Variants in LRIG3 observed in about 807,000 individuals in gnomAD.
LRIG3 encodes leucine rich repeats and immunoglobulin like domains 3, also known as leucine-rich repeats and immunoglobulin-like domains protein 3.
LRIG3 carries 76 observed loss-of-function variants against 114.5 expected under a neutral mutation model. That is an observed-to-expected ratio of 0.66 (90% CI 0.55 to 0.80). The LOEUF is 0.80. Ranked by LOEUF, LRIG3 falls within the 30% of genes least tolerant of loss-of-function variation. The pLI is 0.00. For missense variants in LRIG3, 1,239 were observed against 1,382.8 expected (o/e 0.90, Z 1.65); for synonymous variants, 512 against 519.8 (o/e 0.98, Z 0.20).
chr12:58,898,425 G>A (rs777146358), intron 3 of LRIG3, among the ~76,000 whole-genome samples: 3 of 152,136 alleles, frequency 2.0e-5, no homozygotes, highest in Non-Finnish European at 2.9e-5. Flanking sequence ...AAATACTGTA[G>A]CCTCTTGTAG....
intron 10 of LRIG3, among the ~76,000 whole-genome samples, chr12:58,885,542 T>A (rs1250751970): frequency 1.3e-5 from 2 of 152,114 alleles, no homozygotes; most frequent in Non-Finnish European, 2.9e-5. Flanking sequence ...GTTTTTTTTT[T>A]AATTAAATAA....
intron 10 of LRIG3, among the ~76,000 whole-genome samples, chr12:58,885,069 A>G (rs1280618956): frequency 2.0e-5 from 3 of 152,200 alleles, no homozygotes; most frequent in African/African-American, 7.2e-5. Flanking sequence ...GCCAGGAGTT[A>G]CTAGGAGCTA....
At chr12:58,908,329 G>A (rs1385638652) in intron 3 of LRIG3, among the ~76,000 whole-genome samples, 1 of 152,212 alleles carries the variant, frequency 6.6e-6, no homozygotes, top group Admixed American at 6.5e-5. Context: ...GTGGAAAGAG[G>A]AGGGTTTTGT....
chr12:58,901,857 A>G (rs1871860649), intron 3 of LRIG3, among the ~76,000 whole-genome samples: 1 of 152,204 alleles, frequency 6.6e-6, no homozygotes, highest in Non-Finnish European at 1.5e-5. Flanking sequence ...ACCAAGAATG[A>G]GCTTTCGTTC....
Position 58,879,114 on chromosome 12 carries a change from A to G in LRIG3, c.1802-9T>C. On this transcript the variant is annotated splice_polypyrimidine_tract_variant and intron_variant, in intron 13 of 18. Transcript: ENST00000320743. ...GGTGAATGAGGGAAGCACTGAAATCAGAGAAACAATATAGGCATTAGCACA... is the reference window on the plus strand; with the variant it reads ...GGTGAATGAGGGAAGCACTGAAATCGGAGAAACAATATAGGCATTAGCACA... The G allele has an allele frequency of 6.2e-7, 1 of 1,607,466 alleles. No homozygotes were observed. The highest frequency in any genetic ancestry group is 8.5e-7 in the Non-Finnish European group (1 of 1,175,950).
chr12:58,880,475 G>A (rs1240547484), intron 13 of LRIG3, 106 bp downstream of exon 13: 2 of 1,101,970 alleles, frequency 1.8e-6, no homozygotes, highest in Admixed American at 2.1e-5. Context: ...AGTCAGGTGG[G>A]GAACTGTGAG....
At chr12:58,905,159 A>AT (rs1307073476) in intron 3 of LRIG3, among the ~76,000 whole-genome samples, 1 of 152,072 alleles carries the variant, frequency 6.6e-6, no homozygotes, top group Non-Finnish European at 1.5e-5. Context: ...CTTGAGAAGG[A>AT]TTTTTTTCTT....
chr12:58,896,582 G>C (rs1871648837), intron 3 of LRIG3, among the ~76,000 whole-genome samples: 1 of 152,204 alleles, frequency 6.6e-6, no homozygotes, highest in Non-Finnish European at 1.5e-5. Flanking sequence ...TGATGTGTAA[G>C]GACATGCAAT....
Position 58,920,322 on chromosome 12 carries a change from G to T in LRIG3, c.-87C>A. On this transcript the variant is annotated 5_prime_UTR_variant, in exon 1 of 19. Coordinates refer to ENST00000320743, the MANE Select transcript of LRIG3 (RefSeq NM_153377.5). Reference sequence around the variant, plus strand: ...CACAAACTTCCAGCCGAGGGTGCACGCCCGCCCTCGCGGTCGCGTGCGCGC... The same window carrying T: ...CACAAACTTCCAGCCGAGGGTGCACTCCCGCCCTCGCGGTCGCGTGCGCGC... 3 of 1,011,100 alleles carry T rather than the reference G, an allele frequency of 3.0e-6. No individual in the cohort carries two copies. The highest frequency in any genetic ancestry group is 6.1e-5 in the South Asian group (2 of 32,696). 62.6% of individuals were successfully genotyped at this position (1,011,100 alleles called of 1,614,324 possible).
chr12:58,902,174 TC>T (rs947778416), intron 3 of LRIG3, among the ~76,000 whole-genome samples: 20 of 152,140 alleles, frequency 1.3e-4, no homozygotes, highest in Non-Finnish European at 1.0e-4. Flanking sequence ...AAACATCCAT[TC>T]ATCTTTGAAG....
intron 3 of LRIG3, among the ~76,000 whole-genome samples, chr12:58,899,163 C>G (rs546400418): frequency 5.4e-4 from 83 of 152,352 alleles, no homozygotes; most frequent in Middle Eastern, 6.8e-3. Context: ...AGTTGCATTT[C>G]TACCAAGTTC....
At chr12:58,897,661 T>C (rs554870937) in intron 3 of LRIG3, among the ~76,000 whole-genome samples, 1 of 152,296 alleles carries the variant, frequency 6.6e-6, no homozygotes, top group South Asian at 2.1e-4. Context: ...AGCCCTTCTT[T>C]GATCTCCAAG....
At chr12:58,908,056 T>C (rs1488512637) in intron 3 of LRIG3, among the ~76,000 whole-genome samples, 1 of 152,224 alleles carries the variant, frequency 6.6e-6, no homozygotes, top group Non-Finnish European at 1.5e-5. Flanking sequence ...CCACCCAGTA[T>C]TGATCTCTGT....
intron 3 of LRIG3, among the ~76,000 whole-genome samples, chr12:58,910,116 T>C (rs750788640): frequency 1.3e-5 from 2 of 152,092 alleles, no homozygotes; most frequent in Non-Finnish European, 2.9e-5. Context: ...ATAAAGACAA[T>C]GATGGACTAA....
At chr12:58,881,770 G>A (rs1407069505) in intron 12 of LRIG3, among the ~76,000 whole-genome samples, 1 of 152,142 alleles carries the variant, frequency 6.6e-6, no homozygotes, top group Non-Finnish European at 1.5e-5. Context: ...GATAACTCCA[G>A]GGCTGCTATT....
chr12:58,872,766 A>G lies in LRIG3; in HGVS notation c.3166T>C (p.Phe1056Leu). 1.2e-6 allele frequency: 2 copies of G among 1,614,120 alleles called. No individual in the cohort carries two copies. The highest frequency in any genetic ancestry group is 1.7e-6 in the Non-Finnish European group (2 of 1,179,964). The part of the protein sequence containing the change: ...RRPHLDAYSS[F>L]GQPSDCQPRA... ...GGCTGACAATCTGATGGCTGTCCAA[A>G]GCTTGAATAGGCATCTAGGTGAGGT... is the stretch of plus-strand genomic sequence containing the variant. The change falls in exon 19 of 19, where the codon TTT (phenylalanine) becomes CTT (leucine). Residue 1056 changes from phenylalanine (F) to leucine (L), a missense_variant. By Grantham distance (22) the Phe-to-Leu change is conservative. Transcript: ENST00000320743.
chr12:58,903,490 A>T (rs1049466588), intron 3 of LRIG3, among the ~76,000 whole-genome samples: 6 of 152,126 alleles, frequency 3.9e-5, no homozygotes, highest in Non-Finnish European at 8.8e-5. Flanking sequence ...AGTAGGTTGC[A>T]AAAATTTTCT....
chr12:58,904,473 G>A (rs1871986510), intron 3 of LRIG3, among the ~76,000 whole-genome samples: 1 of 152,196 alleles, frequency 6.6e-6, no homozygotes, highest in Non-Finnish European at 1.5e-5. Flanking sequence ...ATGAAGGTGA[G>A]AGAGGGCATG....
chr12:58,895,207 T>G (rs1367649979), intron 3 of LRIG3, among the ~76,000 whole-genome samples: 1 of 152,198 alleles, frequency 6.6e-6, no homozygotes, highest in Non-Finnish European at 1.5e-5. Context: ...ACATGCCCCT[T>G]GACCTCACAG....
Sources: gnomAD v4.1 joint callset for allele counts (sites outside exome capture counted in the v4.1 genomes callset) on GRCh38, gnomAD v4.1.1 for gene constraint, MANE v1.5 for transcripts, NCBI Gene and HGNC (gene_info 2026-07-23, HGNC 2026-07-21) for gene names.